DTX1: variants seen among roughly 807,000 people sequenced by gnomAD.
DTX1 encodes the protein deltex E3 ubiquitin ligase 1.
A neutral mutation model predicts 57.8 loss-of-function variants in DTX1; 26 were observed. That is an observed-to-expected ratio of 0.45 (90% CI 0.33 to 0.62). DTX1 has a LOEUF of 0.62. Among genes scored for constraint, DTX1 ranks in the 20% least tolerant of loss-of-function variants. DTX1 has a pLI of 0.02. For missense variants in DTX1, 704 were observed against 895.3 expected, an observed-to-expected ratio of 0.79 and a Z score of 2.73; for synonymous variants, 398 against 394.1, an observed-to-expected ratio of 1.01 and a Z score of -0.12.
intron 3 of DTX1, among the ~76,000 whole-genome samples, chr12:113,083,861 G>T: frequency 6.6e-6 from 1 of 152,044 alleles, no homozygotes; most frequent in East Asian, 1.9e-4. Context: ...CCCTTTACAG[G>T]TTGGGTGACC....
intron 6 of DTX1, 151 bp downstream of exon 6, chr12:113,094,250 C>G (rs999301560): frequency 1.4e-5 from 9 of 646,276 alleles, no homozygotes; most frequent in Admixed American, 6.6e-5. Flanking sequence ...GAAATACTTA[C>G]GTTTAATAGA....
intron 2 of DTX1, among the ~76,000 whole-genome samples, chr12:113,064,320 A>G (rs1048133783): frequency 1.3e-5 from 2 of 152,156 alleles, no homozygotes; most frequent in African/African-American, 4.8e-5. Flanking sequence ...TATTTCTACT[A>G]TTGCAGACCC....
rs1397831429 is a variant in DTX1, at chr12:113,058,146, C to G, written c.-47C>G. ...CGCCTGCTGCCAGGCCCAGGAGGAG[C>G]TGGGCCTGCAATAGTGGGGGACCTG... On this transcript the variant is annotated 5_prime_UTR_variant, in exon 2 of 10. Transcript: ENST00000548759. The G allele has an allele frequency of 1.3e-6, 2 of 1,535,448 alleles. No homozygotes were observed. Among genetic ancestry groups the G allele is most frequent in the African/African-American group, 2.7e-5 (2 of 73,038 alleles).
chr12:113,059,020 T>G (rs2044649220), intron 2 of DTX1, among the ~76,000 whole-genome samples: 1 of 151,578 alleles, frequency 6.6e-6, no homozygotes, highest in Admixed American at 6.6e-5. Flanking sequence ...CAAGTGTTGG[T>G]TTGTGGGGTG....
At chr12:113,087,659 C>A (rs997235916) in intron 3 of DTX1, among the ~76,000 whole-genome samples, 15 of 152,210 alleles carry the variant, frequency 9.9e-5, no homozygotes, top group African/African-American at 3.4e-4. Context: ...CTTCTGCCCC[C>A]TCCTCACCCA....
intron 3 of DTX1, among the ~76,000 whole-genome samples, chr12:113,085,388 A>G (rs1012894682): frequency 1.3e-5 from 2 of 152,050 alleles, no homozygotes; most frequent in Non-Finnish European, 2.9e-5. Context: ...TGTCCCTCCC[A>G]TCTCTATCAG....
At chr12:113,080,988 A>AC (rs932075031) in intron 3 of DTX1, among the ~76,000 whole-genome samples, 4 of 151,710 alleles carry the variant, frequency 2.6e-5, no homozygotes, top group African/African-American at 4.8e-5. Flanking sequence ...AAAAAAAAAA[A>AC]ATTGCTCCAT....
At chr12:113,062,067 A>G (rs1183346891) in intron 2 of DTX1, among the ~76,000 whole-genome samples, 1 of 148,794 alleles carries the variant, frequency 6.7e-6, no homozygotes, top group Non-Finnish European at 1.5e-5. Flanking sequence ...ACACACACAC[A>G]CACTCCAACA....
chr12:113,096,634 G>A, intron 9 of DTX1, 81 bp from the exon 10 acceptor site: 1 of 1,347,776 alleles, frequency 7.4e-7, no homozygotes, highest in Admixed American at 2.1e-5. Context: ...GATGTGGCAG[G>A]GGAGGGAGGG....
rs569126104 is a variant in DTX1, at chr12:113,096,026, T to C, written c.1638+612T>C. Among the ~76,000 whole-genome samples, 35 of 151,964 alleles carry C rather than the reference T, an allele frequency of 2.3e-4. No homozygotes were observed. In the South Asian group the frequency reaches 5.6e-3, roughly 24 times the overall value. ...TTTGAGACCAGCCTGGACAACATGGTGAAACCCCGTCTCTACTAAAAATAC... is the reference window on the plus strand; with the variant it reads ...TTTGAGACCAGCCTGGACAACATGGCGAAACCCCGTCTCTACTAAAAATAC... On this transcript the variant is annotated intron_variant, in intron 9 of 9. Coordinates refer to ENST00000548759, the MANE Select transcript of DTX1 (RefSeq NM_004416.3).
chr12:113,095,593 G>GC (rs1950284232), intron 9 of DTX1, 179 bp downstream of exon 9: 1 of 755,974 alleles, frequency 1.3e-6, no homozygotes, highest in East Asian at 2.7e-5. Context: ...CGTTTCCTGA[G>GC]CCACTGAGGT....
At chr12:113,068,779 G>A (rs941499996) in intron 2 of DTX1, among the ~76,000 whole-genome samples, 6 of 152,222 alleles carry the variant, frequency 3.9e-5, no homozygotes, top group Admixed American at 6.5e-5. Context: ...ACTGAACATT[G>A]CAAAGGGTGG....
chr12:113,086,281 A>G (rs1187463297), intron 3 of DTX1, among the ~76,000 whole-genome samples: 4 of 151,894 alleles, frequency 2.6e-5, no homozygotes, highest in Non-Finnish European at 5.9e-5. Flanking sequence ...AAAAAGCAAA[A>G]GAACTGGGGG....
chr12:113,079,517 T>C (rs1247204320), intron 3 of DTX1, among the ~76,000 whole-genome samples: 2 of 24,050 alleles, frequency 8.3e-5, no homozygotes, highest in East Asian at 3.0e-4. Context: ...CCACTTCTCT[T>C]TTTTTTTTTT....
chr12:113,077,878 T>C lies in DTX1; in HGVS notation c.714T>C (p.Pro238=), dbSNP rs1330550568. 3 of 1,298,068 alleles carry C rather than the reference T, an allele frequency of 2.3e-6. No homozygotes were observed. Among genetic ancestry groups the C allele is most frequent in the South Asian group, 4.7e-5 (2 of 42,166 alleles). The allele number at this position is 1,298,068 out of a possible 1,614,324, so 80.4% of individuals were successfully genotyped here. A position where few individuals can be genotyped will look rare whatever the true frequency, so the allele number is the denominator to read the frequency against. The change falls in exon 3 of 10, where the codon CCT becomes CCC. Residue 238 remains proline, a synonymous_variant. Transcript: ENST00000548759. The surrounding 1 kb of genome is among the most constrained non-coding windows in gnomAD (Gnocchi z 7.8). The stretch of plus-strand genomic sequence containing the variant: ...CCCCGCTGCCGCCGCCGCCGCCACC[T>C]GGAGGGCCTCCAGGCGCGCTTGCCG... ...PAPPLPPPPP[P]GGPPGALAVR...
At chr12:113,066,086 T>A (rs2136425289) in intron 2 of DTX1, among the ~76,000 whole-genome samples, 1 of 152,202 alleles carries the variant, frequency 6.6e-6, no homozygotes, top group African/African-American at 2.4e-5. Context: ...AGCCTCTGGG[T>A]TGACACAGAC....
chr12:113,067,602 T>A (rs1016996693), intron 2 of DTX1, among the ~76,000 whole-genome samples: 1 of 152,202 alleles, frequency 6.6e-6, no homozygotes, highest in Admixed American at 6.5e-5. Flanking sequence ...AGGTGCTCAA[T>A]AAATACTTGA....
intron 2 of DTX1, among the ~76,000 whole-genome samples, chr12:113,068,555 C>T (rs1002130130): frequency 1.3e-5 from 2 of 152,188 alleles, no homozygotes; most frequent in Admixed American, 6.5e-5. Context: ...GAGGCATAAC[C>T]GCACACACGG....
At chr12:113,067,084 GGAGC>G (rs1429518629) in intron 2 of DTX1, among the ~76,000 whole-genome samples, 1 of 152,010 alleles carries the variant, frequency 6.6e-6, no homozygotes, top group Non-Finnish European at 1.5e-5. Flanking sequence ...GCTGGGCCCT[GGAGC>G]TGAGCACCCT....
Sources: gnomAD v4.1 joint callset for allele counts (sites outside exome capture counted in the v4.1 genomes callset) on GRCh38, gnomAD v4.1.1 for gene constraint, Gnocchi (gnomAD v3.1) non-coding constraint, MANE v1.5 for transcripts, NCBI Gene and HGNC (gene_info 2026-07-23, HGNC 2026-07-21) for gene names.